The following NSD1 variants were observed in gnomAD, a reference collection of about 807,000 sequenced individuals.
NSD1 encodes the protein histone-lysine N-methyltransferase, H3 lysine-36 specific.
NSD1 carries 26 observed loss-of-function variants against 242.7 expected under a neutral mutation model. That is an observed-to-expected ratio of 0.11 (90% confidence interval 0.08 to 0.15). The LOEUF (loss-of-function observed/expected upper bound fraction) is 0.15, where lower values mean the gene tolerates loss of function less well. Among genes scored for constraint, NSD1 ranks in the 10% least tolerant of loss-of-function variants. The pLI is 1.00. For synonymous variants in NSD1, 1,106 were observed against 1,178.1 expected, an observed-to-expected ratio of 0.94 and a Z score of 1.25; for missense variants, 2,495 against 3,272.8, an observed-to-expected ratio of 0.76 and a Z score of 5.80.
chr5:177,202,880 A>C (rs1324959512), intron 3 of NSD1, among the ~76,000 whole-genome samples: 1 of 152,172 alleles, frequency 6.6e-6, no homozygotes, highest in Non-Finnish European at 1.5e-5. Context: ...ACAACACAAA[A>C]TTTAACTAAG....
intron 4 of NSD1, among the ~76,000 whole-genome samples, chr5:177,208,143 G>A (rs1240832787): frequency 4.6e-5 from 7 of 152,152 alleles, no homozygotes; most frequent in Non-Finnish European, 1.0e-4. Context: ...GTGGTAGTTA[G>A]AATCTTGACT....
intron 14 of NSD1, among the ~76,000 whole-genome samples, chr5:177,264,038 T>A (rs959533011): frequency 9.4e-6 from 1 of 106,076 alleles, no homozygotes; most frequent in African/African-American, 3.2e-5. Flanking sequence ...ATTTTTTTTT[T>A]TTTTTTTTTT....
At chr5:177,278,138 A>G (rs953720482) in intron 17 of NSD1, among the ~76,000 whole-genome samples, 13 of 152,360 alleles carry the variant, frequency 8.5e-5, no homozygotes, top group Admixed American at 1.3e-4. Flanking sequence ...ATCTAGGAAC[A>G]GATCTGGCAG....
At chr5:177,174,706 C>T (rs1245422437) in intron 2 of NSD1, among the ~76,000 whole-genome samples, 1 of 148,790 alleles carries the variant, frequency 6.7e-6, no homozygotes, top group African/African-American at 2.5e-5. Flanking sequence ...TTACAGGTGC[C>T]CACTACAACG....
At chr5:177,168,662 T>C (rs999545588) in intron 2 of NSD1, among the ~76,000 whole-genome samples, 1 of 152,036 alleles carries the variant, frequency 6.6e-6, no homozygotes, top group African/African-American at 2.4e-5. Flanking sequence ...AGCTTCACCA[T>C]GTTGGTCAGG....
intron 11 of NSD1, among the ~76,000 whole-genome samples, chr5:177,249,912 C>T (rs1478962620): frequency 6.6e-6 from 1 of 152,008 alleles, no homozygotes; most frequent in South Asian, 2.1e-4. Flanking sequence ...ATGGTAAAAC[C>T]CTGTCTCTGC....
At chr5:177,173,920 A>G (rs1179437181) in intron 2 of NSD1, among the ~76,000 whole-genome samples, 1 of 152,248 alleles carries the variant, frequency 6.6e-6, no homozygotes, top group Non-Finnish European at 1.5e-5. Context: ...TTAATATGTT[A>G]ACTTTTAATG....
chr5:177,290,701 G>A (rs919762532), intron 21 of NSD1, among the ~76,000 whole-genome samples: 1 of 152,172 alleles, frequency 6.6e-6, no homozygotes, highest in African/African-American at 2.4e-5. Flanking sequence ...GAGCCACTGC[G>A]CCTGGCCAGA....
intron 13 of NSD1, among the ~76,000 whole-genome samples, chr5:177,257,471 T>C (rs1283653759): frequency 6.6e-6 from 1 of 152,128 alleles, no homozygotes; most frequent in Non-Finnish European, 1.5e-5. Context: ...GACCTCGTGA[T>C]CCACCTGCCT....
chr5:177,146,801 C>G (rs986824301), intron 2 of NSD1, among the ~76,000 whole-genome samples: 2 of 151,376 alleles, frequency 1.3e-5, no homozygotes, highest in South Asian at 4.2e-4. Flanking sequence ...GTCAGTAGTT[C>G]GAGACCAGTC....
intron 12 of NSD1, among the ~76,000 whole-genome samples, chr5:177,254,122 A>G (rs1404757438): frequency 6.6e-6 from 1 of 151,778 alleles, no homozygotes; most frequent in African/African-American, 2.4e-5. Context: ...TAATTTTTGG[A>G]TTTTTAGTGG....
intron 14 of NSD1, chr5:177,264,740 C>G (rs1757278664): frequency 8.4e-6 from 6 of 713,922 alleles, no homozygotes; most frequent in South Asian, 6.9e-5. Flanking sequence ...TTGGCCGAAA[C>G]TGCCATCTTC....
rs1214840213 is a variant in NSD1, at chr5:177,294,369, C to T, written c.7001C>T (p.Ser2334Phe). ...AGACCCCAGCTAAGCGACAAACCCT[C>T]TCCAGTGACCAGCCCAAGCTCCTCA... ...GPRPQLSDKP[S>F]PVTSPSSSPS... Residue 2334 changes from serine to phenylalanine, a missense_variant, in exon 23 of 23, where the codon TCT (serine) becomes TTT (phenylalanine). Physicochemically the swap from Ser to Phe is radical, Grantham distance 155 (BLOSUM62 -2). Around this residue, in one of 19 missense-constraint regions of NSD1, gnomAD observed 475 missense variants for 563.7 expected, o/e 0.84. Transcript: ENST00000439151. 5.6e-6 allele frequency: 9 copies of T among 1,614,224 alleles called. No homozygotes were observed. The highest frequency in any genetic ancestry group is 7.6e-6 in the Non-Finnish European group (9 of 1,180,036).
intron 14 of NSD1, chr5:177,266,533 T>C: frequency 1.5e-6 from 1 of 663,242 alleles, no homozygotes; most frequent in Non-Finnish European, 2.6e-6. Context: ...CTCGCTGCTT[T>C]CCGCCTGGCC....
chr5:177,294,852 A>G lies in NSD1; in HGVS notation c.7484A>G (p.Lys2495Arg), dbSNP rs1410611892. 6.2e-7 allele frequency: 1 copy of G among 1,613,034 alleles called. No individual in the cohort carries two copies. The highest frequency in any genetic ancestry group is 1.7e-5 in the Admixed American group (1 of 60,030). ...GAGTCAAGTTCATGGCCTGCCAGCA[A>G]AGGTCTGGGGCATATGCCGAGAGCT... ...VLESSSWPAS[K>R]GLGHMPRAVE... Residue 2495 changes from lysine to arginine, a missense_variant, in exon 23 of 23, where the codon AAA becomes AGA. Physicochemically the swap from Lys to Arg is conservative, Grantham distance 26. Coordinates refer to ENST00000439151, the MANE Select transcript of NSD1 (RefSeq NM_022455.5).
chr5:177,186,719 T>C (rs1279884082), intron 2 of NSD1, among the ~76,000 whole-genome samples: 1 of 152,308 alleles, frequency 6.6e-6, no homozygotes, highest in East Asian at 1.9e-4. Flanking sequence ...GTGGCCGTGG[T>C]GGCTCAGGCC....
intron 13 of NSD1, among the ~76,000 whole-genome samples, chr5:177,258,377 G>A (rs1271734972): frequency 6.6e-6 from 1 of 151,750 alleles, no homozygotes; most frequent in African/African-American, 2.4e-5. Context: ...TTGTTTGTTT[G>A]TTTTTTTAAT....
At chr5:177,272,890 AT>A (rs762719393) in intron 16 of NSD1, among the ~76,000 whole-genome samples, 3 of 152,148 alleles carry the variant, frequency 2.0e-5, no homozygotes, top group Non-Finnish European at 4.4e-5. Flanking sequence ...CTCAAAAAAA[AT>A]AAAGTACGGT....
rs992893561 is a variant in NSD1 at position 177,298,734 on chromosome 5, C to T, written c.*3275C>T. The T allele has an allele frequency of 4.3e-6, 1 of 233,160 alleles. No individual in the cohort carries two copies. The highest frequency in any genetic ancestry group is 2.2e-5 in the African/African-American group (1 of 45,330). 14.4% of individuals were successfully genotyped at this position (233,160 alleles called of 1,614,324 possible). ...ACTGTCTGCTCACTGGAGCCGGACTCCCAGGTTGTAATTCTAATGTTGCCT... is the reference window on the plus strand; with the variant it reads ...ACTGTCTGCTCACTGGAGCCGGACTTCCAGGTTGTAATTCTAATGTTGCCT... On this transcript the variant is annotated 3_prime_UTR_variant, in exon 23 of 23. Coordinates refer to ENST00000439151, the MANE Select transcript of NSD1 (RefSeq NM_022455.5).
Sources: allele counts gnomAD v4.1 joint callset (sites outside exome capture counted in the v4.1 genomes callset), GRCh38; gene constraint gnomAD v4.1.1; regional missense constraint gnomAD v4.1.1; transcripts MANE v1.5; gene names NCBI Gene and HGNC (gene_info 2026-07-23, HGNC 2026-07-21).